The following R3HDM1 variants were observed in gnomAD, a reference collection of about 807,000 sequenced individuals.
R3HDM1 encodes the protein R3H domain containing 1, also known as R3H domain-containing protein 1.
A neutral mutation model predicts 141.1 loss-of-function variants in R3HDM1; 46 were observed. That is an observed-to-expected ratio of 0.33 (90% CI 0.26 to 0.42). The LOEUF is 0.42. Ranked by LOEUF, R3HDM1 falls within the 10% of genes least tolerant of loss-of-function variation. R3HDM1 has a pLI of 1.00. For missense variants in R3HDM1, 1,184 were observed against 1,368.3 expected, an observed-to-expected ratio of 0.87 and a Z score of 2.12; for synonymous variants, 435 against 472.9, an observed-to-expected ratio of 0.92 and a Z score of 1.04.
At chr2:135,723,778 CAAAAAAAAAAAAAAAA>C (rs541423067) in intron 26 of R3HDM1, among the ~76,000 whole-genome samples, 143 bp from the exon 27 acceptor site, 1 of 55,320 alleles carries the variant, frequency 1.8e-5, no homozygotes, top group Non-Finnish European at 3.8e-5. Context: ...CTCCATCTCC[CAAAAAAAAAAAAAAAA>C]AAAAAAAAAA....
chr2:135,609,888 A>T (rs370294614), intron 3 of R3HDM1, among the ~76,000 whole-genome samples: 23 of 152,128 alleles, frequency 1.5e-4, no homozygotes, highest in Admixed American at 8.5e-4. Context: ...CAAAAAAAAT[A>T]AAAAAATTAG....
chr2:135,669,647 C>G, intron 19 of R3HDM1: 1 of 855,816 alleles, frequency 1.2e-6, no homozygotes, highest in Non-Finnish European at 1.4e-6. Context: ...GTGTGCAGCT[C>G]TCAGCTACAC....
chr2:135,550,125 A>C, intron 1 of R3HDM1: 1 of 983,690 alleles, frequency 1.0e-6, no homozygotes, highest in Non-Finnish European at 1.2e-6. Flanking sequence ...ATTACAAATG[A>C]AATATTTTGG....
At chr2:135,624,753 A>G (rs1460180528) in intron 7 of R3HDM1, among the ~76,000 whole-genome samples, 2 of 152,224 alleles carry the variant, frequency 1.3e-5, no homozygotes, top group Non-Finnish European at 2.9e-5. Flanking sequence ...TTTTAGAAAG[A>G]TTATTTTGGC....
intron 1 of R3HDM1, among the ~76,000 whole-genome samples, chr2:135,533,476 T>C (rs1245125533): frequency 6.6e-6 from 1 of 152,270 alleles, no homozygotes; most frequent in Non-Finnish European, 1.5e-5. Context: ...AGGAGTCTTC[T>C]ACATTTTCTT....
At chr2:135,532,695 C>T (rs968572132) in intron 1 of R3HDM1, among the ~76,000 whole-genome samples, 3 of 152,094 alleles carry the variant, frequency 2.0e-5, no homozygotes, top group South Asian at 2.1e-4. Flanking sequence ...AAAGTCTACC[C>T]ATTTATAATA....
intron 21 of R3HDM1, among the ~76,000 whole-genome samples, chr2:135,683,625 T>C (rs923881589): frequency 1.3e-5 from 2 of 152,104 alleles, no homozygotes; most frequent in Non-Finnish European, 2.9e-5. Context: ...CTGATTAATT[T>C]TTTAAAACAT....
chr2:135,553,070 G>C (rs1406356554), intron 1 of R3HDM1, among the ~76,000 whole-genome samples: 1 of 152,156 alleles, frequency 6.6e-6, no homozygotes, highest in Non-Finnish European at 1.5e-5. Flanking sequence ...GGGTCTCACT[G>C]TGTTGCCCAG....
At chr2:135,618,831 C>T (rs971815633) in intron 5 of R3HDM1, among the ~76,000 whole-genome samples, 1 of 151,986 alleles carries the variant, frequency 6.6e-6, no homozygotes, top group South Asian at 2.1e-4. Flanking sequence ...ACCAGCCTGG[C>T]CAACATGGTG....
At chr2:135,553,519 A>G (rs779653305) in intron 1 of R3HDM1, among the ~76,000 whole-genome samples, 1 of 152,204 alleles carries the variant, frequency 6.6e-6, no homozygotes, top group African/African-American at 2.4e-5. Flanking sequence ...AGGAGCATCA[A>G]AATATTTGAA....
At chr2:135,720,421 C>T (rs2076593198) in intron 24 of R3HDM1, among the ~76,000 whole-genome samples, 1 of 152,136 alleles carries the variant, frequency 6.6e-6, no homozygotes, top group Admixed American at 6.5e-5. Flanking sequence ...TACTGATAAC[C>T]CTCCTCCAAA....
intron 7 of R3HDM1, among the ~76,000 whole-genome samples, chr2:135,626,570 C>G (rs748346394): frequency 6.6e-6 from 1 of 152,120 alleles, no homozygotes; most frequent in African/African-American, 2.4e-5. Context: ...AAGACATCAG[C>G]AAGGAACAAA....
At position 135,709,414 on chromosome 2, in the gene R3HDM1, T is replaced by A. The variant is rs2075362777; in HGVS notation, c.2460-19T>A. ...AGTCATCCTCCTCTCATTATGCTGT[T>A]TTTTTGTTTTTTCCATAGCTCTTCA... On this transcript the variant is annotated intron_variant, in intron 21 of 26. Transcript: ENST00000683871. 3 of 1,613,482 alleles carry A rather than the reference T, an allele frequency of 1.9e-6. No individual in the cohort carries two copies. In the South Asian group the frequency reaches 3.3e-5, roughly 18 times the overall value.
chr2:135,719,319 T>A (rs2076476335), intron 24 of R3HDM1, among the ~76,000 whole-genome samples: 1 of 150,844 alleles, frequency 6.6e-6, no homozygotes, highest in African/African-American at 2.4e-5. Context: ...ATCTCCATAT[T>A]TGAAAAAAAT....
intron 2 of R3HDM1, among the ~76,000 whole-genome samples, chr2:135,604,497 A>C (rs143879788): frequency 2.2e-4 from 33 of 152,242 alleles, no homozygotes; most frequent in Admixed American, 7.2e-4. Context: ...GGGTCTTGCT[A>C]TGTTGCCCTG....
Position 135,635,988 on chromosome 2 carries a change from A to T in R3HDM1, c.797A>T (p.Asp266Val). The T allele has an allele frequency of 6.2e-7, 1 of 1,611,486 alleles. No homozygotes were observed. The highest frequency in any genetic ancestry group is 8.5e-7 in the Non-Finnish European group (1 of 1,179,112). Residue 266 changes from aspartate to valine, a missense_variant, in exon 10 of 27, where the codon GAT becomes GTT. Asp to Val is a radical substitution (Grantham distance 152). Around this residue, in one of 5 missense-constraint regions of R3HDM1, gnomAD observed 240 missense variants for 312.3 expected, o/e 0.77. Coordinates refer to ENST00000683871, the MANE Select transcript of R3HDM1 (RefSeq NM_001378107.1). Reference protein sequence around the residue: ...LKRDNSSFDKDDNQMRIRLKD... With the variant: ...LKRDNSSFDKVDNQMRIRLKD... ...AGAGATAACTCTAGCTTTGACAAAG[A>T]TGATAACCAGGTAATCTAGAACAAT...
intron 1 of R3HDM1, among the ~76,000 whole-genome samples, chr2:135,533,619 C>A (rs964969626): frequency 6.6e-6 from 1 of 152,214 alleles, no homozygotes; most frequent in Non-Finnish European, 1.5e-5. Flanking sequence ...GTTGGCGCAC[C>A]TGTAATCCCA....
intron 21 of R3HDM1, among the ~76,000 whole-genome samples, chr2:135,697,608 G>A (rs1428840402): frequency 4.6e-5 from 7 of 152,058 alleles, no homozygotes; most frequent in African/African-American, 1.7e-4. Flanking sequence ...GTATCCAATT[G>A]GTTGAGTCTC....
At chr2:135,637,834 C>T (rs2063414109) in intron 11 of R3HDM1, among the ~76,000 whole-genome samples, 1 of 152,030 alleles carries the variant, frequency 6.6e-6, no homozygotes, top group Non-Finnish European at 1.5e-5. Context: ...GGTCAGCAGA[C>T]TTTTTCTGTA....
Sources: gnomAD v4.1 joint callset for allele counts (sites outside exome capture counted in the v4.1 genomes callset) on GRCh38, gnomAD v4.1.1 for gene constraint, gnomAD v4.1.1 regional missense constraint, MANE v1.5 for transcripts, NCBI Gene and HGNC (gene_info 2026-07-23, HGNC 2026-07-21) for gene names.